The following MOCS2 variants were observed in gnomAD, a reference collection of about 807,000 sequenced individuals.
MOCS2 encodes molybdopterin synthase catalytic subunit.
A neutral mutation model predicts 21.9 loss-of-function variants in MOCS2; 13 were observed. The ratio of observed to expected loss-of-function variants is 0.59; its 90% confidence interval spans 0.39 to 0.94. The LOEUF (loss-of-function observed/expected upper bound fraction) is 0.94. MOCS2 is among the 40% of genes least tolerant of loss of function. The pLI, the probability that MOCS2 is intolerant of heterozygous loss-of-function variation, is 0.00. For missense variants in MOCS2, 227 were observed against 218.3 expected (o/e 1.04, Z -0.25); for synonymous variants, 92 against 80.8 (o/e 1.14, Z -0.74).
chr5:53,108,428 A>G, intron 2 of MOCS2, 94 bp downstream of exon 2: 4 of 1,232,574 alleles, frequency 3.2e-6, no homozygotes, highest in Non-Finnish European at 4.6e-6. Context: ...GACATTAAGC[A>G]CGGAAATCGA....
rs778249374 is a variant in MOCS2, at chr5:53,098,594, A to G, written c.*8T>C. On this transcript the variant is annotated 3_prime_UTR_variant, in exon 7 of 7. Coordinates refer to ENST00000396954, the MANE Select transcript of MOCS2 (RefSeq NM_004531.5). ...AGTTAAGATTGCATGCTCTAAAAAC[A>G]TAAGTGATTAACTGTTGGATGCCCA... 80 of 1,610,952 alleles carry G rather than the reference A, an allele frequency of 5.0e-5. No individual in the cohort carries two copies. In the Admixed American group the frequency reaches 6.7e-4, roughly 13 times the overall value.
At chr5:53,105,783 G>A (rs575761552) in intron 3 of MOCS2, among the ~76,000 whole-genome samples, 4 of 152,276 alleles carry the variant, frequency 2.6e-5, no homozygotes, top group African/African-American at 7.2e-5. Context: ...TCAACAGAGT[G>A]AATAGACAAC....
intron 3 of MOCS2, among the ~76,000 whole-genome samples, chr5:53,103,334 A>G (rs914074059): frequency 3.1e-4 from 47 of 152,156 alleles, no homozygotes; most frequent in Admixed American, 1.8e-3. Flanking sequence ...AGGTATTGCC[A>G]CTTTCACCTA....
In MOCS2 at chr5:53,109,557, G is replaced by GGGCGGT; in HGVS notation, c.-477_-476insACCGCC. On this transcript the variant is annotated 5_prime_UTR_variant, in exon 1 of 7. Coordinates refer to ENST00000396954, the MANE Select transcript of MOCS2 (RefSeq NM_004531.5). ...GGAGACAGGAAGGGCCCGGGGGCGG[G>GGGCGGT]GGCGGGGGCGCCCCCGAACCCAAGA... is the stretch of plus-strand genomic sequence containing the variant. The GGGCGGT allele has an allele frequency of 7.1e-7, 1 of 1,407,020 alleles. No individual in the cohort carries two copies. The highest frequency in any genetic ancestry group is 9.3e-7 in the Non-Finnish European group (1 of 1,081,028). 87.2% of individuals were successfully genotyped at this position (1,407,020 alleles called of 1,614,324 possible).
chr5:53,106,577 T>C (rs955725014), intron 3 of MOCS2, among the ~76,000 whole-genome samples: 2 of 152,082 alleles, frequency 1.3e-5, no homozygotes, highest in Non-Finnish European at 2.9e-5. Context: ...AGGGAGAAGA[T>C]TGAAAAAATA....
At position 53,098,302 on chromosome 5, in the gene MOCS2, T is replaced by G. The variant is rs753232275; in HGVS notation, c.*300A>C. On this transcript the variant is annotated 3_prime_UTR_variant, in exon 7 of 7. Transcript: ENST00000396954. ...TCACTGAGGAGGGCCCATACCTCAA[T>G]GTGTGTTGAGTTACAATTAGAAATT... is the stretch of plus-strand genomic sequence containing the variant. 63 of 393,822 alleles carry G rather than the reference T, an allele frequency of 1.6e-4. No homozygotes were observed. Among genetic ancestry groups the G allele is most frequent in the Non-Finnish European group, 2.8e-4 (59 of 213,214 alleles). The allele number at this position is 393,822 out of a possible 1,614,324, so 24.4% of individuals were successfully genotyped here.
chr5:53,095,961 A>G lies in MOCS2; in HGVS notation c.*2641T>C, dbSNP rs545123895. ...AAGATTGGACATCATCTTACATAAAATCAGGGCCTAATTTTCATTTCGGAA... is the reference window on the plus strand; with the variant it reads ...AAGATTGGACATCATCTTACATAAAGTCAGGGCCTAATTTTCATTTCGGAA... On this transcript the variant is annotated 3_prime_UTR_variant, in exon 7 of 7. Transcript: ENST00000396954. 1 of 152,326 alleles carries G rather than the reference A, an allele frequency of 6.6e-6. No individual in the cohort carries two copies. Among genetic ancestry groups the G allele is most frequent in the East Asian group, 1.9e-4 (1 of 5,192 alleles). 9.4% of individuals were successfully genotyped at this position (152,326 alleles called of 1,614,324 possible).
chr5:53,101,430 T>G lies in MOCS2; in HGVS notation c.306A>C (p.Glu102Asp). 6.2e-7 allele frequency: 1 copy of G among 1,613,834 alleles called. No individual in the cohort carries two copies. The highest frequency in any genetic ancestry group is 8.5e-7 in the Non-Finnish European group (1 of 1,179,802). ...TAATGTCACTACAAATCTTTCTGAC[T>G]TCATTTTCCGCCATGGGTAGATATG... ...YEAYLPMAEN[E>D]VRKICSDIRQ... Residue 102 changes from glutamate to aspartate, a missense_variant, in exon 5 of 7, where the codon GAA becomes GAC. Coordinates refer to ENST00000396954, the MANE Select transcript of MOCS2 (RefSeq NM_004531.5).
chr5:53,101,953 T>TA (rs1740922712), intron 4 of MOCS2, 144 bp downstream of exon 4: 36 of 802,942 alleles, frequency 4.5e-5, no homozygotes, highest in Non-Finnish European at 5.6e-5. Flanking sequence ...AAACAAGAAC[T>TA]AAAAAAAAGT....
intron 6 of MOCS2, among the ~76,000 whole-genome samples, chr5:53,099,464 G>T (rs1740845049): frequency 6.6e-6 from 1 of 152,168 alleles, no homozygotes; most frequent in Non-Finnish European, 1.5e-5. Context: ...GCCTCCTGTT[G>T]TGTCAGCCTT....
chr5:53,101,544 T>A, intron 4 of MOCS2, 35 bp from the exon 5 acceptor site: 2 of 1,463,774 alleles, frequency 1.4e-6, no homozygotes, highest in Non-Finnish European at 9.5e-7. Flanking sequence ...AGAAAACAAT[T>A]AAAATAAGGT....
chr5:53,105,173 G>A (rs564675219), intron 3 of MOCS2, among the ~76,000 whole-genome samples: 42 of 151,986 alleles, frequency 2.8e-4, no homozygotes, highest in Non-Finnish European at 4.9e-4. Context: ...TTCCATGGCC[G>A]GGAGAGCTAT....
rs1401816055 is a variant in MOCS2, at chr5:53,097,510, T to C, written c.*1092A>G. Reference sequence around the variant, plus strand: ...CTGAAAGTATAGCTTTTGTTCTTAATATGCATAATGCAAATTTTGTGATGA... The same window carrying C: ...CTGAAAGTATAGCTTTTGTTCTTAACATGCATAATGCAAATTTTGTGATGA... On this transcript the variant is annotated 3_prime_UTR_variant, in exon 7 of 7. Transcript: ENST00000396954. The C allele has an allele frequency of 6.6e-6, 1 of 152,242 alleles. No homozygotes were observed. Among genetic ancestry groups the C allele is most frequent in the Admixed American group, 6.5e-5 (1 of 15,288 alleles). The allele number at this position is 152,242 out of a possible 1,614,324, so 9.4% of individuals were successfully genotyped here. A position where few individuals can be genotyped will look rare whatever the true frequency, so the allele number is the denominator to read the frequency against.
chr5:53,100,870 C>A, intron 5 of MOCS2: 1 of 333,058 alleles, frequency 3.0e-6, no homozygotes, highest in Non-Finnish European at 5.6e-6. Flanking sequence ...TATGTCCTAA[C>A]GAGTATAATA....
At chr5:53,100,713 C>T in intron 5 of MOCS2, 179 bp from the exon 6 acceptor site, 3 of 635,512 alleles carry the variant, frequency 4.7e-6, no homozygotes, top group Non-Finnish European at 8.1e-6. Flanking sequence ...TCAGCAGAGG[C>T]AGTAGATGAG....
At chr5:53,109,150 G>A in intron 1 of MOCS2, 101 bp downstream of exon 1, 1 of 312,152 alleles carries the variant, frequency 3.2e-6, no homozygotes. Flanking sequence ...GACATTTACA[G>A]AAGCAAGTAG....
chr5:53,101,302 A>T, intron 5 of MOCS2, 57 bp downstream of exon 5: 1 of 1,470,490 alleles, frequency 6.8e-7, no homozygotes, highest in Non-Finnish European at 9.5e-7. Flanking sequence ...AATCAGAGTT[A>T]GTACAAAGAT....
chr5:53,098,446 C>T lies in MOCS2; in HGVS notation c.*156G>A, dbSNP rs543248703. 7.5e-5 allele frequency: 51 copies of T among 682,658 alleles called. No homozygotes were observed. The East Asian group carries it at 1.3e-3, about 17-fold the overall frequency. The allele number at this position is 682,658 out of a possible 1,614,324, so 42.3% of individuals were successfully genotyped here. On this transcript the variant is annotated 3_prime_UTR_variant, in exon 7 of 7. Transcript: ENST00000396954. ...TTTAAATAACCCTTCATCCTACATA[C>T]CCATTTATCTTGCTTCCTTTTTCTC...
rs374396871 is a variant in MOCS2 at position 53,098,257 on chromosome 5, C to T, written c.*345G>A. 2.3e-5 allele frequency: 6 copies of T among 257,208 alleles called. No homozygotes were observed. The highest frequency in any genetic ancestry group is 1.9e-4 in the South Asian group (3 of 15,662). The allele number at this position is 257,208 out of a possible 1,614,324, so 15.9% of individuals were successfully genotyped here. ...GTGAGGTGGGGTTGGTGGGGGAGTA[C>T]GTTTCTGAGCTAGTTAAAGTCACTG... is the stretch of plus-strand genomic sequence containing the variant. On this transcript the variant is annotated 3_prime_UTR_variant, in exon 7 of 7. Transcript: ENST00000396954.
Sources: allele counts gnomAD v4.1 joint callset (sites outside exome capture counted in the v4.1 genomes callset), GRCh38; gene constraint gnomAD v4.1.1; transcripts MANE v1.5; gene names NCBI Gene and HGNC (gene_info 2026-07-23, HGNC 2026-07-21).